MMP2: variants seen among roughly 807,000 people sequenced by gnomAD.
MMP2 encodes 72 kDa type IV collagenase.
In MMP2, 39 loss-of-function variants were observed where a neutral mutation model predicts 74.8. The ratio of observed to expected loss-of-function variants is 0.52; its 90% CI spans 0.40 to 0.68. The LOEUF is 0.68. MMP2 is among the 30% of genes least tolerant of loss of function. MMP2 has a pLI of 0.00. For synonymous variants in MMP2, 367 were observed against 339.8 expected (o/e 1.08, Z -0.88); for missense variants, 803 against 878.3 (o/e 0.91, Z 1.08).
intron 5 of MMP2, among the ~76,000 whole-genome samples, chr16:55,486,351 G>GTGTGTGCC (rs1567375088): frequency 6.7e-5 from 4 of 59,612 alleles, no homozygotes; most frequent in African/African-American, 2.3e-4. Flanking sequence ...GTGTGCCTGT[G>GTGTGTGCC]TGTGTGTGTG....
intron 9 of MMP2, among the ~76,000 whole-genome samples, chr16:55,493,965 G>A (rs780026851): frequency 3.0e-4 from 45 of 152,146 alleles, no homozygotes; most frequent in Non-Finnish European, 4.4e-4. Context: ...TAATGCCCTA[G>A]TTCCCTGGAG....
intron 7 of MMP2, among the ~76,000 whole-genome samples, chr16:55,490,197 A>G: frequency 6.6e-6 from 1 of 152,326 alleles, no homozygotes; most frequent in South Asian, 2.1e-4. Context: ...ACAGATTACC[A>G]GAGAGACAAT....
At chr16:55,503,186 G>A (rs1429017214) in intron 12 of MMP2, among the ~76,000 whole-genome samples, 4 of 152,234 alleles carry the variant, frequency 2.6e-5, no homozygotes, top group Non-Finnish European at 4.4e-5. Flanking sequence ...GCTCTGTGCC[G>A]TGGATTCATT....
At chr16:55,482,635 A>C (rs759363577) in intron 1 of MMP2, among the ~76,000 whole-genome samples, 122 of 152,296 alleles carry the variant, frequency 8.0e-4, no homozygotes, top group Non-Finnish European at 1.5e-3. Flanking sequence ...AAATGAGTTA[A>C]CATATTCTGA....
Position 55,493,205 on chromosome 16 carries a change from G to T in MMP2, c.1384G>T (p.Gly462Cys). 6.2e-7 allele frequency: 1 copy of T among 1,614,078 alleles called. No individual in the cohort carries two copies. Among genetic ancestry groups the T allele is most frequent in the South Asian group, 1.1e-5 (1 of 91,074 alleles). Residue 462 changes from glycine to cysteine, a missense_variant, in exon 9 of 13, where the codon GGC becomes TGC. Coordinates refer to ENST00000219070, the MANE Select transcript of MMP2 (RefSeq NM_004530.6). ...DLGTGPTPTLGPVTPEICKQD... is the reference protein window; with the variant it reads ...DLGTGPTPTLCPVTPEICKQD... ...TGGCACCGGCCCCACCCCCACGCTGGGCCCTGTCACTCCTGAGATCTGCAA... is the reference window on the plus strand; with the variant it reads ...TGGCACCGGCCCCACCCCCACGCTGTGCCCTGTCACTCCTGAGATCTGCAA...
intron 6 of MMP2, among the ~76,000 whole-genome samples, 190 bp from the exon 7 acceptor site, chr16:55,489,461 A>G (rs1218743972): frequency 6.6e-6 from 1 of 152,160 alleles, no homozygotes; most frequent in Non-Finnish European, 1.5e-5. Flanking sequence ...CCCATCCATG[A>G]AACGCGGTGC....
chr16:55,492,035 T>G (rs1962422304), intron 8 of MMP2, 79 bp downstream of exon 8: 2 of 1,408,150 alleles, frequency 1.4e-6, no homozygotes, highest in African/African-American at 1.4e-5. Flanking sequence ...GCCCAGGGGG[T>G]GGGACCAGCA....
Position 55,484,057 on chromosome 16 carries a change from A to T in MMP2, c.422A>T (p.Asp141Val). Residue 141 changes from aspartate (D) to valine (V), a missense_variant, in exon 3 of 13, where the codon GAT (aspartate) becomes GTT (valine). By Grantham distance (152) the Asp-to-Val change is radical. Around this residue, in one of 3 missense-constraint regions of MMP2, gnomAD observed 223 missense variants for 232.8 expected, o/e 0.96. Transcript: ENST00000219070. ...CCTGATCTGGACCCAGAGACAGTGG[A>T]TGATGCCTTTGCTCGTGCCTTCCAA... ...YTPDLDPETV[D>V]DAFARAFQVW... The T allele has an allele frequency of 6.2e-7, 1 of 1,614,184 alleles. No homozygotes were observed. The highest frequency in any genetic ancestry group is 8.5e-7 in the Non-Finnish European group (1 of 1,180,028).
rs1489834993 is a variant in MMP2, at chr16:55,479,315, G to A, written c.-165G>A. 2 of 765,092 alleles carry A rather than the reference G, an allele frequency of 2.6e-6. No individual in the cohort carries two copies. Among genetic ancestry groups the A allele is most frequent in the Non-Finnish European group, 3.5e-6 (2 of 567,778 alleles). The allele number at this position is 765,092 out of a possible 1,614,324, so 47.4% of individuals were successfully genotyped here. ...GCGGCGGCGGGGGCTGGGGCGCGGG[G>A]GCCGGACCATGAGCCGCTGAGCCGG... is the stretch of plus-strand genomic sequence containing the variant. On this transcript the variant is annotated 5_prime_UTR_variant, in exon 1 of 13. Coordinates refer to ENST00000219070, the MANE Select transcript of MMP2 (RefSeq NM_004530.6).
intron 11 of MMP2, among the ~76,000 whole-genome samples, chr16:55,498,834 C>T (rs574774932): frequency 2.0e-4 from 30 of 152,278 alleles, no homozygotes; most frequent in Non-Finnish European, 4.0e-4. Context: ...AATTATTATT[C>T]CTCCCATTTT....
rs567092201 is a variant in MMP2 at position 55,479,277 on chromosome 16, TGCGGCGGCGGCGGCG to T, written c.-195_-181del. ...AACATACAAAGGGATTGCCAGGACC[TGCGGCGGCGGCGGCG>T]GCGGCGGGGGCTGGGGCGCGGGGGC... On this transcript the variant is annotated 5_prime_UTR_variant, in exon 1 of 13. Coordinates refer to ENST00000219070, the MANE Select transcript of MMP2 (RefSeq NM_004530.6). The T allele has an allele frequency of 5.0e-6, 2 of 401,290 alleles. No homozygotes were observed. The highest frequency in any genetic ancestry group is 8.1e-6 in the Non-Finnish European group (2 of 247,418). The allele number at this position is 401,290 out of a possible 1,614,324, so 24.9% of individuals were successfully genotyped here.
At position 55,479,414 on chromosome 16, in the gene MMP2, G is replaced by A. The variant is rs1596803142; in HGVS notation, c.-66G>A. 2.1e-6 allele frequency: 3 copies of A among 1,397,804 alleles called. No individual in the cohort carries two copies. The highest frequency in any genetic ancestry group is 2.8e-6 in the Non-Finnish European group (3 of 1,084,248). The allele number at this position is 1,397,804 out of a possible 1,614,324, so 86.6% of individuals were successfully genotyped here. On this transcript the variant is annotated 5_prime_UTR_variant, in exon 1 of 13. Coordinates refer to ENST00000219070, the MANE Select transcript of MMP2 (RefSeq NM_004530.6). Reference sequence around the variant, plus strand: ...GCCGCGGAGCAGGCTCCAACCAGGCGGCGAGGCGGCCACACGCACCGAGCC... The same window carrying A: ...GCCGCGGAGCAGGCTCCAACCAGGCAGCGAGGCGGCCACACGCACCGAGCC...
chr16:55,486,347 CTGTGTGTGTG>C (rs57608135), intron 5 of MMP2, among the ~76,000 whole-genome samples: 21 of 137,804 alleles, frequency 1.5e-4, no homozygotes, highest in East Asian at 1.1e-3. Flanking sequence ...GTGTGTGTGC[CTGTGTGTGTG>C]TGTGTGTGTG....
At chr16:55,503,672 G>A (rs1361138345) in intron 12 of MMP2, among the ~76,000 whole-genome samples, 2 of 152,170 alleles carry the variant, frequency 1.3e-5, no homozygotes, top group Non-Finnish European at 2.9e-5. Context: ...CATATTAATA[G>A]TAAATGAGAT....
chr16:55,485,400 G>A lies in MMP2; in HGVS notation c.631G>A (p.Glu211Lys). The A allele has an allele frequency of 6.2e-7, 1 of 1,614,136 alleles. No individual in the cohort carries two copies. Among genetic ancestry groups the A allele is most frequent in the South Asian group, 1.1e-5 (1 of 91,082 alleles). ...GGGAGACTCCCATTTTGATGACGAT[G>A]AGCTATGGACCTTGGGAGAAGGCCA... is the stretch of plus-strand genomic sequence containing the variant. ...VGGDSHFDDD[E>K]LWTLGEGQVV... The change falls in exon 4 of 13, where the codon GAG becomes AAG. Residue 211 changes from glutamate to lysine, a missense_variant. Glu to Lys is a moderately conservative substitution (Grantham distance 56). Around this residue, in one of 3 missense-constraint regions of MMP2, gnomAD observed 25 missense variants for 53.5 expected, o/e 0.47. Coordinates refer to ENST00000219070, the MANE Select transcript of MMP2 (RefSeq NM_004530.6).
At chr16:55,491,537 G>T (rs1222696986) in intron 7 of MMP2, among the ~76,000 whole-genome samples, 1 of 152,042 alleles carries the variant, frequency 6.6e-6, no homozygotes, top group Non-Finnish European at 1.5e-5. Context: ...TTCCTTTATA[G>T]CACACCTGTC....
At position 55,502,847 on chromosome 16, in the gene MMP2, TC is replaced by T; in HGVS notation, c.1842del (p.Asp615IlefsTer24). On this transcript the variant is annotated frameshift_variant, in exon 12 of 13. Transcript: ENST00000219070. LOFTEE classifies it high-confidence loss of function. ...PKLIADAWNA[I>X]PDNLDAVVDL... ...CTCATCGCAGATGCCTGGAATGCCA[TC>T]CCCGATAACCTGGATGCCGTCGTGG... 6.2e-7 allele frequency: 1 copy of T among 1,614,080 alleles called. No individual in the cohort carries two copies. The highest frequency in any genetic ancestry group is 8.5e-7 in the Non-Finnish European group (1 of 1,180,024).
rs773564814 is a variant in MMP2 at position 55,484,117 on chromosome 16, G to C, written c.482G>C (p.Arg161Pro). ...GATGTGACCCCACTGCGGTTTTCTCGAATCCATGATGGAGAGGCAGACATC... is the reference window on the plus strand; with the variant it reads ...GATGTGACCCCACTGCGGTTTTCTCCAATCCATGATGGAGAGGCAGACATC... ...WSDVTPLRFSRIHDGEADIMI... is the reference protein window; with the variant it reads ...WSDVTPLRFSPIHDGEADIMI... Residue 161 changes from arginine (R) to proline (P), a missense_variant, in exon 3 of 13, where the codon CGA becomes CCA. By Grantham distance (103) the Arg-to-Pro change is moderately radical. Around this residue, in one of 3 missense-constraint regions of MMP2, gnomAD observed 223 missense variants for 232.8 expected, o/e 0.96. Coordinates refer to ENST00000219070, the MANE Select transcript of MMP2 (RefSeq NM_004530.6). 2 of 1,614,062 alleles carry C rather than the reference G, an allele frequency of 1.2e-6. No individual in the cohort carries two copies. The highest frequency in any genetic ancestry group is 1.7e-6 in the Non-Finnish European group (2 of 1,180,054).
In MMP2 at chr16:55,479,606, C is replaced by T. The variant is rs1352361846; in HGVS notation, c.127C>T (p.Pro43Ser). 1.2e-6 allele frequency: 2 copies of T among 1,613,802 alleles called. No individual in the cohort carries two copies. Among genetic ancestry groups the T allele is most frequent in the East Asian group, 2.2e-5 (1 of 44,864 alleles). ...PIIKFPGDVA[P>S]KTDKELAVQY... ...CATCAAGTTCCCCGGCGATGTCGCC[C>T]CCAAAACGGACAAAGAGTTGGCAGT... Residue 43 changes from proline (P) to serine (S), a missense_variant, in exon 1 of 13, where the codon CCC becomes TCC. Coordinates refer to ENST00000219070, the MANE Select transcript of MMP2 (RefSeq NM_004530.6).
Sources: gnomAD v4.1 joint callset for allele counts (sites outside exome capture counted in the v4.1 genomes callset) on GRCh38, gnomAD v4.1.1 for gene constraint, gnomAD v4.1.1 regional missense constraint, MANE v1.5 for transcripts, NCBI Gene and HGNC (gene_info 2026-07-23, HGNC 2026-07-21) for gene names.